Variants in AKR7A3 observed in about 807,000 individuals in gnomAD.
AKR7A3 encodes the protein AFB1 aldehyde reductase 2.
A neutral mutation model predicts 32.5 loss-of-function variants in AKR7A3; 37 were observed. The observed-to-expected ratio is 1.14, with a 90% CI of 0.88 to 1.50. The LOEUF (loss-of-function observed/expected upper bound fraction) is 1.50, where lower values mean the gene tolerates loss of function less well. Among genes scored for constraint, AKR7A3 ranks in the 40% most tolerant of loss-of-function variants. AKR7A3 has a pLI of 0.00. For synonymous variants in AKR7A3, 177 were observed against 188.4 expected, an observed-to-expected ratio of 0.94 and a Z score of 0.50; for missense variants, 412 against 453.2, an observed-to-expected ratio of 0.91 and a Z score of 0.83.
chr1:19,284,564 A>C, intron 5 of AKR7A3, 122 bp downstream of exon 5: 2 of 1,108,212 alleles, frequency 1.8e-6, no homozygotes, highest in Admixed American at 2.1e-5. Context: ...GAAATTCCCG[A>C]AGAAATTCAG....
rs139964784 is a variant in AKR7A3 at position 19,283,257 on chromosome 1, T to G, written c.835-365A>C. Among the ~76,000 whole-genome samples the G allele has an allele frequency of 3.4e-3, 515 of 151,090 alleles. 14 individuals carry two copies. Among genetic ancestry groups the G allele is most frequent in the African/African-American group, 0.012 (483 of 40,716 alleles). The stretch of plus-strand genomic sequence containing the variant: ...TCCCATTTATTGAGCACCTACTGTA[T>G]ATATGCCAGACACTATTGCAACATC... On this transcript the variant is annotated intron_variant, in intron 6 of 6. Transcript: ENST00000361640.
chr1:19,286,448 G>A (rs2093730198), intron 1 of AKR7A3, 76 bp from the exon 2 acceptor site: 1 of 1,441,486 alleles, frequency 6.9e-7, no homozygotes, highest in Non-Finnish European at 9.6e-7. Flanking sequence ...TTGGGAGACT[G>A]AGGCAGGCAA....
At position 19,282,675 on chromosome 1, in the gene AKR7A3, T is replaced by G; in HGVS notation, c.*56A>C. 1 of 1,612,878 alleles carries G rather than the reference T, an allele frequency of 6.2e-7. No individual in the cohort carries two copies. Among genetic ancestry groups the G allele is most frequent in the South Asian group, 1.1e-5 (1 of 91,024 alleles). On this transcript the variant is annotated 3_prime_UTR_variant, in exon 7 of 7. Transcript: ENST00000361640. ...TGAGGCAGTTCTAAATTAAAGAAAA[T>G]GTGAGTAACAAAAGATGTTACAGAA...
chr1:19,286,466 G>A (rs1569657273), intron 1 of AKR7A3, 94 bp from the exon 2 acceptor site: 4 of 1,304,970 alleles, frequency 3.1e-6, no homozygotes, highest in East Asian at 4.6e-5. Flanking sequence ...CAAATCAGAA[G>A]GTCAGGAGTT....
At chr1:19,280,327 T>C (rs1054319422), downstream of AKR7A3, among the ~76,000 whole-genome samples, 19 of 151,488 alleles carry the variant, frequency 1.3e-4, no homozygotes, top group Admixed American at 1.2e-3. Context: ...CGCTGCAACC[T>C]CTGCCTCCTG....
At chr1:19,276,055 C>T in the AKR7A3 span, among the ~76,000 whole-genome samples, 1 of 151,816 alleles carries the variant, frequency 6.6e-6, no homozygotes, top group East Asian at 1.9e-4. Flanking sequence ...TACAGAAACT[C>T]GGTAAAGGTA....
At chr1:19,287,568 A>G (rs2093732962) in intron 1 of AKR7A3, among the ~76,000 whole-genome samples, 1 of 151,882 alleles carries the variant, frequency 6.6e-6, no homozygotes, top group Non-Finnish European at 1.5e-5. Flanking sequence ...AGCACTGCAA[A>G]TGGCATCAGA....
At chr1:19,288,186 T>G (rs963520113) in intron 1 of AKR7A3, among the ~76,000 whole-genome samples, 1 of 152,140 alleles carries the variant, frequency 6.6e-6, no homozygotes, top group Non-Finnish European at 1.5e-5. Context: ...CAGTGTTTTT[T>G]GTGCTCCAGA....
At position 19,286,370 on chromosome 1, in the gene AKR7A3, T is replaced by C; in HGVS notation, c.217A>G (p.Lys73Glu). The change falls in exon 2 of 7, where the codon AAA (lysine) becomes GAA (glutamate). Residue 73 changes from lysine to glutamate, a missense_variant and splice_region_variant. Transcript: ENST00000361640. ...LRLGGSDCRVKIDTKAIPLFG... is the reference protein window; with the variant it reads ...LRLGGSDCRVEIDTKAIPLFG... ...AGTGGAATGGCCTTGGTATCAATTT[T>C]CACTGAGAGGAAAGAGAAATGAAAT... is the stretch of plus-strand genomic sequence containing the variant. The C allele has an allele frequency of 3.1e-6, 5 of 1,613,366 alleles. No homozygotes were observed. The highest frequency in any genetic ancestry group is 4.2e-6 in the Non-Finnish European group (5 of 1,179,642).
chr1:19,287,505 C>G (rs577625809), intron 1 of AKR7A3, among the ~76,000 whole-genome samples: 6 of 151,812 alleles, frequency 4.0e-5, no homozygotes, highest in South Asian at 2.1e-4. Context: ...TAAGAACAAA[C>G]AAACAGCTAA....
downstream of AKR7A3, among the ~76,000 whole-genome samples, chr1:19,278,575 C>CAACAAA (rs987523485): frequency 6.6e-6 from 1 of 151,088 alleles, no homozygotes; most frequent in Non-Finnish European, 1.5e-5. Flanking sequence ...AAGAAAAAAA[C>CAACAAA]AACAAAAACA....
chr1:19,280,058 C>T (rs369701671), downstream of AKR7A3, among the ~76,000 whole-genome samples: 4 of 151,938 alleles, frequency 2.6e-5, no homozygotes, highest in Admixed American at 6.5e-5. Flanking sequence ...GACAGAACAT[C>T]ATCGGGTAAA....
intron 6 of AKR7A3, among the ~76,000 whole-genome samples, 191 bp from the exon 7 acceptor site, chr1:19,283,083 C>T (rs923666571): frequency 1.3e-4 from 19 of 147,994 alleles, no homozygotes; most frequent in African/African-American, 4.1e-4. Flanking sequence ...TGCCACACGA[C>T]GCTTCCAGAC....
chr1:19,283,673 T>C (rs933492318), intron 6 of AKR7A3, among the ~76,000 whole-genome samples: 4 of 151,758 alleles, frequency 2.6e-5, no homozygotes, highest in Non-Finnish European at 4.4e-5. Context: ...CTACTACAAA[T>C]ACAAACAATT....
downstream of AKR7A3, among the ~76,000 whole-genome samples, chr1:19,280,609 C>T (rs1287847656): frequency 2.0e-5 from 3 of 151,608 alleles, no homozygotes; most frequent in African/African-American, 4.9e-5. Context: ...CTTGCTCTGT[C>T]GCCCAGGCTG....
At chr1:19,279,685 G>A (rs75212795), downstream of AKR7A3, among the ~76,000 whole-genome samples, 129 of 151,938 alleles carry the variant, frequency 8.5e-4, 2 homozygotes, top group African/African-American at 3.0e-3. Flanking sequence ...GATGTTGAGC[G>A]CTTTCTCATC....
At chr1:19,284,592 C>A (rs892073397) in intron 5 of AKR7A3, 94 bp downstream of exon 5, 11 of 1,315,516 alleles carry the variant, frequency 8.4e-6, no homozygotes, top group Non-Finnish European at 1.2e-5. Flanking sequence ...GGTGCAGCAG[C>A]GAGGAAAGGC....
At chr1:19,276,630 C>T in the AKR7A3 span, among the ~76,000 whole-genome samples, 2 of 151,238 alleles carry the variant, frequency 1.3e-5, no homozygotes, top group South Asian at 4.2e-4. Flanking sequence ...GGTAAGAACC[C>T]GTCTCTACTA....
At chr1:19,285,250 T>C in intron 3 of AKR7A3, 136 bp from the exon 4 acceptor site, 1 of 819,450 alleles carries the variant, frequency 1.2e-6, no homozygotes, top group Non-Finnish European at 1.9e-6. Context: ...TTATTCTAAC[T>C]GGTGCTGGTG....
Sources: allele counts gnomAD v4.1 joint callset (sites outside exome capture counted in the v4.1 genomes callset), GRCh38; gene constraint gnomAD v4.1.1; transcripts MANE v1.5; gene names NCBI Gene and HGNC (gene_info 2026-07-23, HGNC 2026-07-21).